The following UNC13C variants were observed in gnomAD, a reference collection of about 807,000 sequenced individuals.
UNC13C encodes the protein unc-13 homolog C.
UNC13C carries 174 observed loss-of-function variants against 245.4 expected under a neutral mutation model. That is an observed-to-expected ratio of 0.71 (90% CI 0.63 to 0.80). The LOEUF is 0.80. Among genes scored for constraint, UNC13C ranks in the 30% least tolerant of loss-of-function variants. The probability of loss-of-function intolerance (pLI) is 0.00; values close to 1 mark genes in which losing one functional copy is unlikely to be tolerated. For missense variants in UNC13C, 2,829 were observed against 2,602.9 expected, an observed-to-expected ratio of 1.09 and a Z score of -1.89; for synonymous variants, 992 against 895.1, an observed-to-expected ratio of 1.11 and a Z score of -1.93.
At chr15:54,418,699 G>A (rs1596348010) in intron 19 of UNC13C, among the ~76,000 whole-genome samples, 1 of 152,118 alleles carries the variant, frequency 6.6e-6, no homozygotes, top group Admixed American at 6.5e-5. Flanking sequence ...ATACACTGAT[G>A]AGCTGGAAGT....
intron 17 of UNC13C, among the ~76,000 whole-genome samples, chr15:54,350,281 C>T (rs1453126108): frequency 2.0e-5 from 3 of 152,116 alleles, no homozygotes; most frequent in Admixed American, 6.5e-5. Context: ...TGAGACCCCA[C>T]GCCTGGCCTA....
At chr15:54,497,432 G>T (rs1003470639) in intron 20 of UNC13C, among the ~76,000 whole-genome samples, 1 of 152,090 alleles carries the variant, frequency 6.6e-6, no homozygotes, top group Non-Finnish European at 1.5e-5. Context: ...GGGCTATGAA[G>T]GCTGCTTGGA....
intron 2 of UNC13C, among the ~76,000 whole-genome samples, chr15:54,046,767 A>G (rs1362064850): frequency 6.6e-6 from 1 of 152,002 alleles, no homozygotes; most frequent in African/African-American, 2.4e-5. Context: ...AGTACAACTT[A>G]TAAGTACACT....
chr15:54,469,915 A>G (rs1466545133), intron 19 of UNC13C, among the ~76,000 whole-genome samples: 1 of 151,522 alleles, frequency 6.6e-6, no homozygotes, highest in Admixed American at 6.6e-5. Flanking sequence ...TCTTTACTCT[A>G]TTGAGGAATA....
At chr15:53,948,709 G>T in the UNC13C span, 43 of 152,038 alleles carry the variant, frequency 2.8e-4, no homozygotes, top group Admixed American at 1.4e-3. Flanking sequence ...TTACAAAAAG[G>T]TTGGAGAGGG....
chr15:53,850,100 A>C, the UNC13C span, among the ~76,000 whole-genome samples: 1 of 151,964 alleles, frequency 6.6e-6, no homozygotes, highest in Non-Finnish European at 1.5e-5. Context: ...TTCATTTTTG[A>C]AAGACTTTTT....
rs142735335 is a variant in UNC13C at position 54,237,813 on chromosome 15, G to A, written c.3228+123G>A. The A allele has an allele frequency of 7.6e-4, 622 of 818,164 alleles. 4 individuals carry two copies. The East Asian group carries it at 0.014, about 19-fold the overall frequency. 50.7% of individuals were successfully genotyped at this position (818,164 alleles called of 1,614,324 possible). ...TCCAATGTTCCAGAAATAACTGGGAGCATGAGGAAAGCCTGACTCCAAACA... is the reference window on the plus strand; with the variant it reads ...TCCAATGTTCCAGAAATAACTGGGAACATGAGGAAAGCCTGACTCCAAACA... On this transcript the variant is annotated intron_variant, in intron 7 of 32. Coordinates refer to ENST00000260323, the MANE Select transcript of UNC13C (RefSeq NM_001080534.3).
chr15:54,172,726 A>ATATATAT (rs2033457638), intron 4 of UNC13C, among the ~76,000 whole-genome samples: 1 of 33,034 alleles, frequency 3.0e-5, no homozygotes, highest in Non-Finnish European at 6.4e-5. Context: ...ATATATATAT[A>ATATATAT]TATATATATA....
intron 1 of UNC13C, among the ~76,000 whole-genome samples, chr15:54,004,467 G>T (rs1201699347): frequency 6.6e-6 from 1 of 152,168 alleles, no homozygotes; most frequent in Non-Finnish European, 1.5e-5. Context: ...ACTTCAACAG[G>T]CATGGGATTG....
At chr15:53,910,466 C>T in the UNC13C span, among the ~76,000 whole-genome samples, 23 of 146,598 alleles carry the variant, frequency 1.6e-4, 3 homozygotes, top group East Asian at 4.2e-3. Context: ...GTATAACTGC[C>T]CTGTTGACAC....
At chr15:54,364,613 C>T (rs896169955) in intron 17 of UNC13C, among the ~76,000 whole-genome samples, 1 of 152,196 alleles carries the variant, frequency 6.6e-6, no homozygotes, top group African/African-American at 2.4e-5. Flanking sequence ...TAAGACTTCA[C>T]TGTAGTGACT....
chr15:54,587,021 A>C (rs138008341), intron 30 of UNC13C, among the ~76,000 whole-genome samples: 314 of 152,290 alleles, frequency 2.1e-3, no homozygotes, highest in African/African-American at 7.3e-3. Flanking sequence ...AATCACCCCT[A>C]GATTCATTTT....
chr15:54,300,597 G>T (rs954397213), intron 13 of UNC13C, among the ~76,000 whole-genome samples: 2 of 152,068 alleles, frequency 1.3e-5, no homozygotes, highest in African/African-American at 4.8e-5. Context: ...TCCAAGTGTG[G>T]TTCCTTGACA....
chr15:54,191,890 TG>T (rs930138800), intron 4 of UNC13C, among the ~76,000 whole-genome samples: 13 of 152,188 alleles, frequency 8.5e-5, no homozygotes, highest in African/African-American at 2.7e-4. Context: ...ACCCTCTTTT[TG>T]TTGGGGTTAT....
At chr15:54,403,092 A>T (rs1202373501) in intron 18 of UNC13C, among the ~76,000 whole-genome samples, 1 of 152,164 alleles carries the variant, frequency 6.6e-6, no homozygotes, top group African/African-American at 2.4e-5. Context: ...TGCTTGTACC[A>T]GGTCTTGCAG....
chr15:54,422,328 C>A (rs1307311948), intron 19 of UNC13C, among the ~76,000 whole-genome samples: 4 of 152,012 alleles, frequency 2.6e-5, no homozygotes, highest in African/African-American at 7.2e-5. Context: ...CCTATCATAG[C>A]CCTCTAAGTA....
intron 1 of UNC13C, among the ~76,000 whole-genome samples, chr15:53,996,269 T>C (rs896755477): frequency 6.6e-6 from 1 of 152,198 alleles, no homozygotes; most frequent in Non-Finnish European, 1.5e-5. Flanking sequence ...AGTGAAGCTT[T>C]GGACAACTTC....
chr15:54,066,762 C>T (rs577834918), intron 2 of UNC13C, among the ~76,000 whole-genome samples: 3 of 152,110 alleles, frequency 2.0e-5, no homozygotes, highest in Non-Finnish European at 4.4e-5. Flanking sequence ...AGTATTTGGG[C>T]ACTGAAAATT....
At chr15:54,012,205 A>G in intron 1 of UNC13C, among the ~76,000 whole-genome samples, 1 of 152,314 alleles carries the variant, frequency 6.6e-6, no homozygotes. Context: ...TTATATATAT[A>G]TAGATAATAT....
Sources: allele counts gnomAD v4.1 joint callset (sites outside exome capture counted in the v4.1 genomes callset), GRCh38; gene constraint gnomAD v4.1.1; transcripts MANE v1.5; gene names NCBI Gene and HGNC (gene_info 2026-07-23, HGNC 2026-07-21).